Variants in GLIS3 observed in about 807,000 individuals in gnomAD.
GLIS3 encodes zinc finger protein GLIS3.
Under a neutral mutation model 78.6 loss-of-function variants are expected in GLIS3, and 53 were observed. That is an observed-to-expected ratio of 0.67 (90% CI 0.54 to 0.85). The LOEUF is 0.85. GLIS3 is among the 40% of genes least tolerant of loss of function. The pLI is 0.00. For missense variants in GLIS3, 1,703 were observed against 1,231.1 expected (o/e 1.38, Z -5.74); for synonymous variants, 684 against 509.9 (o/e 1.34, Z -4.60).
intron 4 of GLIS3, among the ~76,000 whole-genome samples, chr9:4,074,810 A>C (rs1395463736): frequency 6.6e-6 from 1 of 152,206 alleles, no homozygotes; most frequent in African/African-American, 2.4e-5. Context: ...CTTGGTAACG[A>C]GATCTTGCCT....
At chr9:3,884,971 C>G (rs558706893) in intron 7 of GLIS3, among the ~76,000 whole-genome samples, 116 of 152,314 alleles carry the variant, frequency 7.6e-4, no homozygotes, top group African/African-American at 2.5e-3. Context: ...AAACAACACA[C>G]AAGCAGCTGT....
chr9:4,113,431 C>T (rs1831389298), intron 4 of GLIS3, among the ~76,000 whole-genome samples: 1 of 152,140 alleles, frequency 6.6e-6, no homozygotes, highest in South Asian at 2.1e-4. Flanking sequence ...AGTGGTTACA[C>T]CAATTTAGTC....
chr9:4,325,128 G>A (rs777838702), intron 2 of GLIS3, among the ~76,000 whole-genome samples: 5 of 152,122 alleles, frequency 3.3e-5, no homozygotes, highest in South Asian at 2.1e-4. Context: ...AACCCAACTG[G>A]TATGTCTATA....
At chr9:4,109,957 G>T (rs1488086411) in intron 4 of GLIS3, among the ~76,000 whole-genome samples, 2 of 152,168 alleles carry the variant, frequency 1.3e-5, no homozygotes, top group Admixed American at 6.5e-5. Context: ...ATACTTGAGA[G>T]CTTCTTCCCC....
chr9:4,385,809 GAAA>G, the GLIS3 span, among the ~76,000 whole-genome samples: 781 of 44,910 alleles, frequency 0.017, 40 homozygotes, highest in African/African-American at 0.067. Flanking sequence ...AAGAAAGAAA[GAAA>G]AGAAAGAAAG....
intron 4 of GLIS3, among the ~76,000 whole-genome samples, chr9:4,021,778 G>T (rs1310545537): frequency 6.6e-6 from 1 of 152,140 alleles, no homozygotes; most frequent in African/African-American, 2.4e-5. Context: ...CACTTGCCAA[G>T]CTTCCTGAAA....
intron 4 of GLIS3, among the ~76,000 whole-genome samples, chr9:4,052,840 T>C (rs900273920): frequency 1.1e-4 from 17 of 152,230 alleles, no homozygotes; most frequent in African/African-American, 3.9e-4. Context: ...TATATATACC[T>C]AGGAGTAGAA....
At chr9:4,403,692 A>C in the GLIS3 span, among the ~76,000 whole-genome samples, 2 of 152,186 alleles carry the variant, frequency 1.3e-5, no homozygotes, top group African/African-American at 4.8e-5. Flanking sequence ...TGCAAGACTC[A>C]TGGTAACCTC....
intron 4 of GLIS3, among the ~76,000 whole-genome samples, chr9:4,308,448 G>C (rs577749925): frequency 6.6e-6 from 1 of 152,022 alleles, no homozygotes; most frequent in African/African-American, 2.4e-5. Flanking sequence ...GGGTGGCAAC[G>C]AAGAGGAGAA....
At chr9:4,318,461 G>A (rs1377993035) in intron 2 of GLIS3, among the ~76,000 whole-genome samples, 1 of 152,140 alleles carries the variant, frequency 6.6e-6, no homozygotes, top group African/African-American at 2.4e-5. Flanking sequence ...AGCATCTTGT[G>A]ACAGAACGTA....
the GLIS3 span, among the ~76,000 whole-genome samples, chr9:4,428,747 A>G: frequency 6.6e-6 from 1 of 152,150 alleles, no homozygotes; most frequent in Non-Finnish European, 1.5e-5. Flanking sequence ...CCAAAGCAAG[A>G]TATTTCTATA....
At chr9:4,254,986 C>G (rs570694988) in intron 2 of GLIS3, among the ~76,000 whole-genome samples, 2 of 152,026 alleles carry the variant, frequency 1.3e-5, no homozygotes, top group South Asian at 2.1e-4. Flanking sequence ...TTTAAATATC[C>G]AAAATATATA....
At chr9:3,927,112 T>A (rs1442390382) in intron 6 of GLIS3, among the ~76,000 whole-genome samples, 2 of 152,248 alleles carry the variant, frequency 1.3e-5, no homozygotes, top group Non-Finnish European at 2.9e-5. Context: ...GTTGTTGGAC[T>A]TTCATGAAGA....
At chr9:4,379,480 T>TAA in the GLIS3 span, among the ~76,000 whole-genome samples, 4 of 152,260 alleles carry the variant, frequency 2.6e-5, no homozygotes, top group Admixed American at 1.3e-4. Flanking sequence ...CATTAGTCCC[T>TAA]TCTTTTAGTG....
intron 2 of GLIS3, among the ~76,000 whole-genome samples, chr9:4,158,381 C>T (rs557646911): frequency 3.3e-5 from 5 of 152,240 alleles, no homozygotes; most frequent in Admixed American, 2.6e-4. Context: ...CCCTCTGTCA[C>T]GGAATTATCT....
intron 2 of GLIS3, among the ~76,000 whole-genome samples, chr9:4,204,136 T>C (rs1265887022): frequency 2.6e-5 from 4 of 152,188 alleles, no homozygotes; most frequent in South Asian, 4.1e-4. Context: ...AAATGTCAGA[T>C]AGCCAATGAA....
In GLIS3 at chr9:4,286,417, T is replaced by A. The variant is rs1828009161; in HGVS notation, c.9A>T (p.Gly3=). 1 of 1,614,068 alleles carries A rather than the reference T, an allele frequency of 6.2e-7. No homozygotes were observed. Among genetic ancestry groups the A allele is most frequent in the African/African-American group, 1.3e-5 (1 of 75,058 alleles). ...GGTGGAGACTCATGCTGCATGATCT[T>A]CCATTCATTCTGAAAAACCTGTGGC... MN[G]RSCSMSLHRT... is the part of the protein sequence containing the mutation. Residue 3 remains glycine (G), a synonymous_variant, in exon 2 of 11, where the codon GGA becomes GGT. Transcript: ENST00000381971.
chr9:4,278,537 T>A (rs10974429), intron 2 of GLIS3, among the ~76,000 whole-genome samples: 5 of 152,028 alleles, frequency 3.3e-5, no homozygotes, highest in African/African-American at 1.2e-4. Context: ...AACAGAATAA[T>A]TTAAAAAAAA....
chr9:4,410,452 T>G, the GLIS3 span, among the ~76,000 whole-genome samples: 1 of 152,140 alleles, frequency 6.6e-6, no homozygotes, highest in Non-Finnish European at 1.5e-5. Context: ...ATATTAGGAT[T>G]TTAAGTATAT....
Sources: allele counts gnomAD v4.1 joint callset (sites outside exome capture counted in the v4.1 genomes callset), GRCh38; gene constraint gnomAD v4.1.1; transcripts MANE v1.5; gene names NCBI Gene and HGNC (gene_info 2026-07-23, HGNC 2026-07-21).